ARFGEF1: variants seen among roughly 807,000 people sequenced by gnomAD.
ARFGEF1 encodes the protein ARF guanine nucleotide exchange factor 1.
Under a neutral mutation model 231.0 loss-of-function variants are expected in ARFGEF1, and 42 were observed. That is an observed-to-expected ratio of 0.18 (90% CI 0.14 to 0.24). ARFGEF1 has a LOEUF of 0.24. Among genes scored for constraint, ARFGEF1 ranks in the 10% least tolerant of loss-of-function variants. The pLI is 1.00. For missense variants in ARFGEF1, 1,345 were observed against 2,192.0 expected (o/e 0.61, Z 7.72); for synonymous variants, 710 against 732.3 (o/e 0.97, Z 0.49).
At chr8:67,205,345 T>C (rs1472899900) in intron 34 of ARFGEF1, among the ~76,000 whole-genome samples, 9 of 152,220 alleles carry the variant, frequency 5.9e-5, no homozygotes, top group Non-Finnish European at 1.3e-4. Flanking sequence ...CCTGGGACTA[T>C]ACATGTTAGT....
chr8:67,206,132 G>A (rs1287676882), intron 34 of ARFGEF1, among the ~76,000 whole-genome samples: 10 of 151,882 alleles, frequency 6.6e-5, no homozygotes, highest in Admixed American at 3.3e-4. Context: ...AGCCGGGGCC[G>A]GGTGCAATGG....
rs763304897 is a variant in ARFGEF1 at position 67,211,544 on chromosome 8, T to C, written c.4758A>G (p.Gln1586=). 17 of 1,594,832 alleles carry C rather than the reference T, an allele frequency of 1.1e-5. No homozygotes were observed. The highest frequency in any genetic ancestry group is 1.4e-5 in the Non-Finnish European group (16 of 1,170,916). ...IQPRSVDNRP[Q]APLVSASAVN... ...CAGCAGACGCAGAAACCAGTGGTGC[T>C]TGTGGTCTGTTATCCACAGACCTTG... The change falls in exon 34 of 39, where the codon CAA becomes CAG. Residue 1586 remains glutamine (Q), a synonymous_variant. Coordinates refer to ENST00000262215, the MANE Select transcript of ARFGEF1 (RefSeq NM_006421.5).
intron 3 of ARFGEF1, among the ~76,000 whole-genome samples, chr8:67,299,911 G>A (rs1366442161): frequency 6.6e-6 from 1 of 152,070 alleles, no homozygotes; most frequent in African/African-American, 2.4e-5. Flanking sequence ...GGAGGTTGCA[G>A]TAAGCCAAGC....
At chr8:67,189,326 C>T (rs1379949318) in intron 5 of ARFGEF1, among the ~76,000 whole-genome samples, 4 of 152,156 alleles carry the variant, frequency 2.6e-5, no homozygotes, top group Admixed American at 6.5e-5. Context: ...ATACTTATAG[C>T]ACCTTTATTC....
At chr8:67,269,896 A>C (rs1430418889) in intron 10 of ARFGEF1, among the ~76,000 whole-genome samples, 2 of 152,154 alleles carry the variant, frequency 1.3e-5, no homozygotes, top group African/African-American at 4.8e-5. Flanking sequence ...CAAAAATAGT[A>C]ATCTCAACTT....
chr8:67,254,311 T>C (rs756577841), intron 17 of ARFGEF1, among the ~76,000 whole-genome samples: 6 of 152,190 alleles, frequency 3.9e-5, no homozygotes, highest in Admixed American at 3.3e-4. Context: ...TCCAGAAACC[T>C]AGATAGATAA....
intron 32 of ARFGEF1, 50 bp downstream of exon 32, chr8:67,217,732 A>C: frequency 1.3e-6 from 2 of 1,581,510 alleles, no homozygotes; most frequent in Non-Finnish European, 1.7e-6. Flanking sequence ...TCACTCTCCA[A>C]CTCATTCAAT....
rs1228925120 is a variant in ARFGEF1 at position 67,310,670 on chromosome 8, G to A, written c.125-8204C>T. 1.0e-4 allele frequency among the ~76,000 whole-genome samples: 15 copies of A among 150,228 alleles called. No individual in the cohort carries two copies. In the South Asian group the frequency reaches 1.3e-3, roughly 13 times the overall value. The stretch of plus-strand genomic sequence containing the variant: ...AAGTGAGGAGCGTCTCTGCCCGGCC[G>A]CCCATCGTCTGAGATGTGGGGAGCG... On this transcript the variant is annotated intron_variant, in intron 1 of 38. Transcript: ENST00000262215.
In ARFGEF1 at chr8:67,198,115, T is replaced by C. The variant is rs1485222651; in HGVS notation, c.*819A>G. 3 of 985,692 alleles carry C rather than the reference T, an allele frequency of 3.0e-6. No individual in the cohort carries two copies. Among genetic ancestry groups the C allele is most frequent in the African/African-American group, 3.5e-5 (2 of 57,210 alleles). The allele number at this position is 985,692 out of a possible 1,614,324, so 61.1% of individuals were successfully genotyped here. The stretch of plus-strand genomic sequence containing the variant: ...ATCTTTAAAAGTCCTAAGAGAAATA[T>C]GTGACAGGTAGTTACTGTCAGTAGG... On this transcript the variant is annotated 3_prime_UTR_variant, in exon 39 of 39. Transcript: ENST00000262215.
intron 1 of ARFGEF1, among the ~76,000 whole-genome samples, chr8:67,323,958 G>A (rs1257595373): frequency 7.9e-5 from 12 of 151,936 alleles, no homozygotes; most frequent in Admixed American, 6.6e-4. Context: ...CTGCCACTAC[G>A]CCTGGCTGAT....
intron 8 of ARFGEF1, 79 bp from the exon 9 acceptor site, chr8:67,276,188 T>G: frequency 1.4e-6 from 2 of 1,466,350 alleles, no homozygotes; most frequent in Non-Finnish European, 9.3e-7. Flanking sequence ...CTGTATTTCA[T>G]TCAATTCACT....
chr8:67,272,061 A>C (rs1299970639), intron 9 of ARFGEF1, 125 bp from the exon 10 acceptor site: 4 of 642,738 alleles, frequency 6.2e-6, no homozygotes, highest in Admixed American at 3.2e-5. Flanking sequence ...ATGGAGAGGA[A>C]GAGAAAATTC....
chr8:67,278,461 AG>A (rs1326293513), intron 7 of ARFGEF1, among the ~76,000 whole-genome samples: 1 of 152,182 alleles, frequency 6.6e-6, no homozygotes, highest in Non-Finnish European at 1.5e-5. Context: ...CCAACTTTTG[AG>A]TGACTTGAGT....
Position 67,258,157 on chromosome 8 carries a change from A to G in ARFGEF1, c.2369T>C (p.Leu790Pro). The change falls in exon 16 of 39, where the codon CTT (leucine) becomes CCT (proline). Residue 790 changes from leucine to proline, a missense_variant. Leu to Pro is a moderately conservative substitution (Grantham distance 98). Around this residue, in one of 14 missense-constraint regions of ARFGEF1, gnomAD observed 58 missense variants for 133.6 expected, o/e 0.43. Transcript: ENST00000262215. ...ATCGATTTTCTGAGCTTCCCCTGGA[A>G]GACGAAATCCTTCTAGAAACATACG... ...ALRMFLEGFR[L>P]PGEAQKIDRL... 1 of 1,614,044 alleles carries G rather than the reference A, an allele frequency of 6.2e-7. No homozygotes were observed. Among genetic ancestry groups the G allele is most frequent in the Non-Finnish European group, 8.5e-7 (1 of 1,179,940 alleles).
At position 67,281,838 on chromosome 8, in the gene ARFGEF1, C is replaced by T. The variant is rs373873456; in HGVS notation, c.1028-4381G>A. 3.3e-5 allele frequency among the ~76,000 whole-genome samples: 5 copies of T among 151,604 alleles called. No homozygotes were observed. In the East Asian group the frequency reaches 9.6e-4, roughly 29 times the overall value. On this transcript the variant is annotated intron_variant, in intron 7 of 38. Transcript: ENST00000262215. ...AACCAAAATATTATCAAAACTAAACCAAAAATATAGAAATAATTTAACAAA... is the reference window on the plus strand; with the variant it reads ...AACCAAAATATTATCAAAACTAAACTAAAAATATAGAAATAATTTAACAAA...
chr8:67,255,033 T>C (rs778312318), intron 17 of ARFGEF1, among the ~76,000 whole-genome samples: 26 of 152,168 alleles, frequency 1.7e-4, no homozygotes, highest in Non-Finnish European at 1.0e-4. Context: ...TAAAATCACC[T>C]GGAAATTTTA....
intron 9 of ARFGEF1, among the ~76,000 whole-genome samples, chr8:67,275,416 T>C (rs1805272295): frequency 6.6e-6 from 1 of 152,104 alleles, no homozygotes; most frequent in African/African-American, 2.4e-5. Context: ...TAACTCAAAG[T>C]TCTTCCTGAT....
intron 1 of ARFGEF1, 66 bp downstream of exon 1, chr8:67,343,098 C>G (rs1373582574): frequency 2.6e-5 from 14 of 537,886 alleles, no homozygotes; most frequent in African/African-American, 2.3e-4. Flanking sequence ...ACCCCACCCC[C>G]CCACAGGCGC....
At chr8:67,268,665 A>G (rs1804946753) in intron 10 of ARFGEF1, among the ~76,000 whole-genome samples, 1 of 152,260 alleles carries the variant, frequency 6.6e-6, no homozygotes, top group South Asian at 2.1e-4. Flanking sequence ...CCAAGATCTA[A>G]GAAGCTGTGT....
Sources: allele counts gnomAD v4.1 joint callset (sites outside exome capture counted in the v4.1 genomes callset), GRCh38; gene constraint gnomAD v4.1.1; regional missense constraint gnomAD v4.1.1; transcripts MANE v1.5; gene names NCBI Gene and HGNC (gene_info 2026-07-23, HGNC 2026-07-21).